The following PLCL1 variants were observed in gnomAD, a reference collection of about 807,000 sequenced individuals.
PLCL1 encodes the protein phospholipase C like 1 (inactive), also known as inactive phospholipase C-like protein 1.
Under a neutral mutation model 84.4 loss-of-function variants are expected in PLCL1, and 41 were observed. The observed-to-expected ratio is 0.49, with a 90% confidence interval of 0.38 to 0.63. The LOEUF (loss-of-function observed/expected upper bound fraction) is 0.63. Ranked by LOEUF, PLCL1 falls within the 30% of genes least tolerant of loss-of-function variation. The pLI is 0.00. For missense variants in PLCL1, 1,206 were observed against 1,367.8 expected (o/e 0.88, Z 1.87); for synonymous variants, 490 against 488.3 (o/e 1.00, Z -0.05).
chr2:198,100,261 G>T (rs1208102833), intron 3 of PLCL1, among the ~76,000 whole-genome samples: 2 of 152,030 alleles, frequency 1.3e-5, no homozygotes, highest in African/African-American at 4.8e-5. Flanking sequence ...TACTGGAGAA[G>T]TAACAAGATG....
chr2:197,900,732 A>G (rs1216326389), intron 1 of PLCL1, among the ~76,000 whole-genome samples: 1 of 152,236 alleles, frequency 6.6e-6, no homozygotes, highest in African/African-American at 2.4e-5. Flanking sequence ...TTGTATGTTT[A>G]CAAAGTGAAA....
rs375946258 is a variant in PLCL1, at chr2:197,922,254, C to T, written c.240+116915C>T. On this transcript the variant is annotated intron_variant, in intron 1 of 5. Transcript: ENST00000428675. ...GCCTTCAAGCATCTGTTTAACAAAG[C>T]ACATCTTGCACCGCCCTTAATCCAT... Among the ~76,000 whole-genome samples, 515 of 92,056 alleles carry T rather than the reference C, an allele frequency of 5.6e-3. 4 individuals carry two copies. The highest frequency in any genetic ancestry group is 0.02 in the African/African-American group (496 of 25,292). The allele number at this position is 92,056 out of a possible 152,430, so 60.4% of individuals were successfully genotyped here. A position where few individuals can be genotyped will look rare whatever the true frequency, so the allele number is the denominator to read the frequency against.
chr2:198,065,532 A>T (rs900094642), intron 1 of PLCL1, among the ~76,000 whole-genome samples: 1 of 152,056 alleles, frequency 6.6e-6, no homozygotes, highest in African/African-American at 2.4e-5. Flanking sequence ...TCACCCTATT[A>T]ATGTATGTTT....
chr2:197,836,905 G>GC (rs768428999), intron 1 of PLCL1, among the ~76,000 whole-genome samples: 4 of 152,058 alleles, frequency 2.6e-5, no homozygotes, highest in Non-Finnish European at 5.9e-5. Context: ...TTGCTGTGTT[G>GC]CCCGGGCTGG....
intron 1 of PLCL1, among the ~76,000 whole-genome samples, chr2:197,971,454 C>T (rs563413723): frequency 4.6e-5 from 7 of 152,284 alleles, no homozygotes; most frequent in Admixed American, 3.9e-4. Context: ...TAAATTATAG[C>T]TATTGCCATG....
At chr2:198,024,728 A>G (rs1056274288) in intron 1 of PLCL1, among the ~76,000 whole-genome samples, 1 of 151,780 alleles carries the variant, frequency 6.6e-6, no homozygotes, top group East Asian at 1.9e-4. Flanking sequence ...GTGCTATTGC[A>G]GTCCAGCTTT....
intron 1 of PLCL1, among the ~76,000 whole-genome samples, chr2:197,950,473 A>G (rs1689367431): frequency 6.6e-6 from 1 of 152,138 alleles, no homozygotes; most frequent in African/African-American, 2.4e-5. Context: ...CAAAGACCAT[A>G]TATTGCATGA....
At position 197,968,919 on chromosome 2, in the gene PLCL1, G is replaced by A. The variant is rs1228792521; in HGVS notation, c.241-114839G>A. On this transcript the variant is annotated intron_variant, in intron 1 of 5. Transcript: ENST00000428675. ...TTAAGAGTAATTCATTTAAAACAGG[G>A]TCCCCAACCCCCAGACCACGGTCTG... Among the ~76,000 whole-genome samples, 4 of 152,142 alleles carry A rather than the reference G, an allele frequency of 2.6e-5. No individual in the cohort carries two copies. In the East Asian group the frequency reaches 7.7e-4, roughly 29 times the overall value.
chr2:198,043,405 G>C (rs1219547837), intron 1 of PLCL1, among the ~76,000 whole-genome samples: 1 of 152,180 alleles, frequency 6.6e-6, no homozygotes, highest in Non-Finnish European at 1.5e-5. Flanking sequence ...TGTCTCTACT[G>C]GGTAGGTGAA....
chr2:197,844,507 A>G (rs1034447017), intron 1 of PLCL1, among the ~76,000 whole-genome samples: 3 of 152,124 alleles, frequency 2.0e-5, no homozygotes, highest in Non-Finnish European at 4.4e-5. Flanking sequence ...TGCATCTTAA[A>G]TGATTCTTTT....
chr2:198,121,327 C>T (rs1693862233), intron 5 of PLCL1, among the ~76,000 whole-genome samples: 1 of 151,994 alleles, frequency 6.6e-6, no homozygotes, highest in Non-Finnish European at 1.5e-5. Flanking sequence ...GATGTGATTT[C>T]AGTTGTCCAG....
chr2:197,909,469 T>C (rs1384313294), intron 1 of PLCL1, among the ~76,000 whole-genome samples: 4 of 152,144 alleles, frequency 2.6e-5, no homozygotes, highest in Non-Finnish European at 5.9e-5. Context: ...ATTCCCTTTA[T>C]AGCACTCACA....
chr2:198,006,454 C>T (rs1443272485), intron 1 of PLCL1, among the ~76,000 whole-genome samples: 1 of 152,156 alleles, frequency 6.6e-6, no homozygotes, highest in Non-Finnish European at 1.5e-5. Flanking sequence ...ATATATGTCC[C>T]AAATGCCCTA....
intron 1 of PLCL1, among the ~76,000 whole-genome samples, chr2:197,921,398 A>G (rs1688697208): frequency 6.6e-6 from 1 of 152,204 alleles, no homozygotes; most frequent in Non-Finnish European, 1.5e-5. Flanking sequence ...TCCTTTTCAA[A>G]GTTTCGGGTG....
intron 1 of PLCL1, among the ~76,000 whole-genome samples, chr2:197,963,114 A>G (rs1689656236): frequency 6.6e-6 from 1 of 152,006 alleles, no homozygotes; most frequent in Non-Finnish European, 1.5e-5. Context: ...GCTGGATCAT[A>G]TGTTAGCTCT....
At chr2:198,146,399 C>G (rs1694516252) in intron 5 of PLCL1, among the ~76,000 whole-genome samples, 1 of 152,078 alleles carries the variant, frequency 6.6e-6, no homozygotes, top group African/African-American at 2.4e-5. Context: ...AGCTTCTTTC[C>G]TTGTTTTCTC....
rs2106411867 is a variant in PLCL1, at chr2:197,805,182, A to G, written c.83A>G (p.Asp28Gly). The change falls in exon 1 of 6, where the codon GAT becomes GGT. Residue 28 changes from aspartate (D) to glycine (G), a missense_variant. Coordinates refer to ENST00000428675, the MANE Select transcript of PLCL1 (RefSeq NM_006226.4). This position sits in a 1 kb window ranked among gnomAD's most constrained non-coding sequence, Gnocchi z 4.0. ...GAAGACGACCCCCGAGTGGGCCCGG[A>G]TGCCGCCGGGGACTGCGTGACGGCG... ...GGEDDPRVGP[D>G]AAGDCVTAAS... 1 of 1,287,814 alleles carries G rather than the reference A, an allele frequency of 7.8e-7. No individual in the cohort carries two copies. The highest frequency in any genetic ancestry group is 9.8e-7 in the Non-Finnish European group (1 of 1,020,592). 79.8% of individuals were successfully genotyped at this position (1,287,814 alleles called of 1,614,324 possible). A position where few individuals can be genotyped will look rare whatever the true frequency, so the allele number is the denominator to read the frequency against.
At chr2:197,828,875 C>G (rs535682096) in intron 1 of PLCL1, among the ~76,000 whole-genome samples, 2 of 152,080 alleles carry the variant, frequency 1.3e-5, no homozygotes, top group Non-Finnish European at 2.9e-5. Flanking sequence ...GTTAGGAATC[C>G]TCTTGAATCC....
chr2:198,002,220 A>G (rs1376519358), intron 1 of PLCL1, among the ~76,000 whole-genome samples: 1 of 152,056 alleles, frequency 6.6e-6, no homozygotes, highest in Non-Finnish European at 1.5e-5. Context: ...TTATGTATCT[A>G]TTCTTCAGTT....
Sources: gnomAD v4.1 joint callset for allele counts (sites outside exome capture counted in the v4.1 genomes callset) on GRCh38, gnomAD v4.1.1 for gene constraint, Gnocchi (gnomAD v3.1) non-coding constraint, MANE v1.5 for transcripts, NCBI Gene and HGNC (gene_info 2026-07-23, HGNC 2026-07-21) for gene names.